MYO3A: variants seen among roughly 807,000 people sequenced by gnomAD.
MYO3A encodes the protein myosin-IIIa.
In MYO3A, 180 loss-of-function variants were observed where a neutral mutation model predicts 192.7. That is an observed-to-expected ratio of 0.93 (90% CI 0.83 to 1.06). The LOEUF (loss-of-function observed/expected upper bound fraction) is 1.06, where lower values mean the gene tolerates loss of function less well. Among genes scored for constraint, MYO3A ranks in the 50% least tolerant of loss-of-function variants. The pLI, the probability that MYO3A is intolerant of heterozygous loss-of-function variation, is 0.00. For missense variants in MYO3A, 1,896 were observed against 1,905.0 expected (o/e 1.00, Z 0.09); for synonymous variants, 628 against 645.3 (o/e 0.97, Z 0.41).
intron 17 of MYO3A, among the ~76,000 whole-genome samples, chr10:26,114,334 A>T (rs1183554729): frequency 6.6e-6 from 1 of 152,186 alleles, no homozygotes; most frequent in Non-Finnish European, 1.5e-5. Context: ...AGGACTTAGC[A>T]CATGTTGCCA....
chr10:26,115,383 T>C (rs946715270), intron 17 of MYO3A, among the ~76,000 whole-genome samples: 2 of 152,206 alleles, frequency 1.3e-5, no homozygotes, highest in African/African-American at 4.8e-5. Flanking sequence ...ACCTGTTAGT[T>C]GTTTTTAATA....
At position 26,157,771 on chromosome 10, in the gene MYO3A, T is replaced by C. The variant is rs146824984; in HGVS notation, c.2999+256T>C. Among the ~76,000 whole-genome samples the C allele has an allele frequency of 2.1e-3, 322 of 152,302 alleles. 2 individuals are homozygous for C. Among genetic ancestry groups the C allele is most frequent in the African/African-American group, 7.5e-3 (313 of 41,568 alleles). On this transcript the variant is annotated intron_variant, in intron 26 of 34. Transcript: ENST00000642920. ...TTCTGTACTGAGGAGTTGGAGAATC[T>C]GGGTTCTCGCCCTAGCTCAGCCACT...
chr10:26,111,266 G>T (rs924985130), intron 17 of MYO3A, among the ~76,000 whole-genome samples: 5 of 152,130 alleles, frequency 3.3e-5, no homozygotes, highest in African/African-American at 2.4e-5. Flanking sequence ...CCATATTCCA[G>T]GTGATATGTG....
intron 33 of MYO3A, 58 bp from the exon 34 acceptor site, chr10:26,202,906 G>GTT (rs1280682617): frequency 6.3e-6 from 10 of 1,588,824 alleles, no homozygotes; most frequent in African/African-American, 1.3e-5. Context: ...TATCCTGTAA[G>GTT]TTTAAGTGAG....
intron 10 of MYO3A, among the ~76,000 whole-genome samples, chr10:26,046,033 T>A (rs2131255409): frequency 6.6e-6 from 1 of 152,294 alleles, no homozygotes; most frequent in African/African-American, 2.4e-5. Context: ...CACATCTCTT[T>A]ATCTGTATCC....
intron 21 of MYO3A, among the ~76,000 whole-genome samples, chr10:26,144,745 T>C (rs2131852765): frequency 6.6e-6 from 1 of 152,276 alleles, no homozygotes; most frequent in African/African-American, 2.4e-5. Context: ...ACTTCCTCCG[T>C]ACCAGTGGTT....
chr10:26,047,951 G>A (rs1442499918), intron 10 of MYO3A, among the ~76,000 whole-genome samples: 3 of 151,920 alleles, frequency 2.0e-5, no homozygotes, highest in Non-Finnish European at 4.4e-5. Flanking sequence ...TGTTTTCCCT[G>A]GGTGCCTTCA....
rs1011270919 is a variant in MYO3A, at chr10:26,067,191, T to C, written c.1053+117T>C. The C allele has an allele frequency of 1.5e-5, 11 of 711,474 alleles. 1 individual carries two copies. The Admixed American group carries it at 2.3e-4, about 15-fold the overall frequency. 44.1% of individuals were successfully genotyped at this position (711,474 alleles called of 1,614,324 possible). On this transcript the variant is annotated intron_variant, in intron 11 of 34. Transcript: ENST00000642920. ...TAGATTATGATGGTTATTAAGAATCTTAACACTCACTCTGCCCATGTCTCC... is the reference window on the plus strand; with the variant it reads ...TAGATTATGATGGTTATTAAGAATCCTAACACTCACTCTGCCCATGTCTCC...
intron 4 of MYO3A, among the ~76,000 whole-genome samples, chr10:25,977,625 G>A (rs1839039638): frequency 6.6e-6 from 1 of 151,980 alleles, no homozygotes; most frequent in African/African-American, 2.4e-5. Context: ...TTTTTTCTCA[G>A]TGTAACTTAA....
intron 26 of MYO3A, 105 bp from the exon 27 acceptor site, chr10:26,165,962 G>A: frequency 2.2e-6 from 2 of 927,754 alleles, no homozygotes; most frequent in South Asian, 1.3e-5. Flanking sequence ...CATCAAGTCT[G>A]GGCATCTCTT....
At position 26,021,439 on chromosome 10, in the gene MYO3A, G is replaced by A. The variant is rs1588797050; in HGVS notation, c.586-64G>A. ...TTAAATACTTAATGCTTTGTTCTAA[G>A]TATTTTATTACATGCTTGTTAAAGT... On this transcript the variant is annotated intron_variant, in intron 7 of 34. Coordinates refer to ENST00000642920, the MANE Select transcript of MYO3A (RefSeq NM_017433.5). 6 of 1,560,868 alleles carry A rather than the reference G, an allele frequency of 3.8e-6. No homozygotes were observed. In the East Asian group the frequency reaches 9.0e-5, roughly 23 times the overall value.
chr10:26,125,674 A>T, intron 19 of MYO3A, 66 bp downstream of exon 19: 1 of 1,291,464 alleles, frequency 7.7e-7, no homozygotes. Context: ...TTTCTAATTG[A>T]TTGTTTTGTA....
chr10:26,150,937 T>C (rs763459279), intron 23 of MYO3A, among the ~76,000 whole-genome samples: 1 of 152,184 alleles, frequency 6.6e-6, no homozygotes, highest in African/African-American at 2.4e-5. Context: ...TCAGCACTTA[T>C]ATGGGTTATT....
At chr10:26,187,285 G>A (rs984000453) in intron 31 of MYO3A, among the ~76,000 whole-genome samples, 2 of 152,114 alleles carry the variant, frequency 1.3e-5, no homozygotes, top group Non-Finnish European at 2.9e-5. Context: ...AAGAATATGG[G>A]ATTAGGTTCT....
intron 32 of MYO3A, among the ~76,000 whole-genome samples, chr10:26,196,066 GAAT>G (rs1337416491): frequency 1.3e-5 from 2 of 152,190 alleles, no homozygotes; most frequent in African/African-American, 2.4e-5. Context: ...ATAGGAAGCT[GAAT>G]AAGAAATGAA....
At chr10:26,164,411 A>G (rs1477398919) in intron 26 of MYO3A, among the ~76,000 whole-genome samples, 1 of 152,168 alleles carries the variant, frequency 6.6e-6, no homozygotes, top group African/African-American at 2.4e-5. Flanking sequence ...ATTGATAGTG[A>G]ACAAATGAAT....
intron 20 of MYO3A, among the ~76,000 whole-genome samples, chr10:26,138,088 G>A (rs1422539850): frequency 3.3e-5 from 5 of 151,978 alleles, no homozygotes; most frequent in South Asian, 2.1e-4. Context: ...TCCTTTTTGC[G>A]CTTTGAAGCA....
At chr10:26,043,832 A>C (rs72793966) in intron 10 of MYO3A, among the ~76,000 whole-genome samples, 24,653 of 152,104 alleles carry the variant, frequency 0.16, 2,288 homozygotes, top group Non-Finnish European at 0.21. Context: ...CTGGTACCTA[A>C]GATGCAAGAC....
intron 4 of MYO3A, among the ~76,000 whole-genome samples, chr10:25,990,149 A>C (rs1588714254): frequency 6.6e-6 from 1 of 152,200 alleles, no homozygotes; most frequent in East Asian, 1.9e-4. Flanking sequence ...AGATGTGGAA[A>C]ACTCCCCTAC....
Sources: allele counts gnomAD v4.1 joint callset (sites outside exome capture counted in the v4.1 genomes callset), GRCh38; gene constraint gnomAD v4.1.1; transcripts MANE v1.5; gene names NCBI Gene and HGNC (gene_info 2026-07-23, HGNC 2026-07-21).